SOX6: variants seen among roughly 807,000 people sequenced by gnomAD.
The protein encoded by SOX6 is SRY-box transcription factor 6.
Under a neutral mutation model 97.8 loss-of-function variants are expected in SOX6, and 11 were observed. The observed-to-expected ratio is 0.11, with a 90% CI of 0.07 to 0.19. The LOEUF is 0.19. Ranked by LOEUF, SOX6 falls within the 10% of genes least tolerant of loss-of-function variation. The pLI is 1.00. For synonymous variants in SOX6, 360 were observed against 371.4 expected (o/e 0.97, Z 0.35); for missense variants, 810 against 1,039.5 (o/e 0.78, Z 3.04).
chr11:16,491,368 G>A (rs1038839393), intron 4 of SOX6, among the ~76,000 whole-genome samples: 6 of 152,060 alleles, frequency 3.9e-5, no homozygotes, highest in Non-Finnish European at 7.4e-5. Flanking sequence ...ACATTTTTGA[G>A]AATAAGTTAA....
intron 15 of SOX6, among the ~76,000 whole-genome samples, chr11:15,983,519 A>G (rs975311036): frequency 6.6e-6 from 1 of 152,166 alleles, no homozygotes; most frequent in African/African-American, 2.4e-5. Context: ...AAACGTCAAT[A>G]GAAATATTTG....
chr11:16,706,464 AAAAAAAAATAT>A, intron 3 of SOX6, among the ~76,000 whole-genome samples: 1 of 21,210 alleles, frequency 4.7e-5, no homozygotes, highest in Non-Finnish European at 9.3e-5. Context: ...AAAAAAAAAA[AAAAAAAAATAT>A]ATATATATAT....
chr11:16,089,794 A>G (rs1310913654), intron 9 of SOX6, among the ~76,000 whole-genome samples: 1 of 152,118 alleles, frequency 6.6e-6, no homozygotes, highest in Non-Finnish European at 1.5e-5. Flanking sequence ...TGTTCTGCCT[A>G]TTCTGTTACC....
chr11:16,169,562 C>T (rs1168034174), intron 6 of SOX6, among the ~76,000 whole-genome samples: 1 of 96,158 alleles, frequency 1.0e-5, no homozygotes, highest in Non-Finnish European at 1.9e-5. Flanking sequence ...CTTACATATA[C>T]CCCTTTAACA....
At position 16,015,025 on chromosome 11, in the gene SOX6, C is replaced by T. The variant is rs766104849; in HGVS notation, c.1649G>A (p.Gly550Glu). 8 of 1,612,710 alleles carry T rather than the reference C, an allele frequency of 5.0e-6. No individual in the cohort carries two copies. Among genetic ancestry groups the T allele is most frequent in the Non-Finnish European group, 4.2e-6 (5 of 1,179,306 alleles). Residue 550 changes from glycine to glutamate, a missense_variant, in exon 13 of 16, where the codon GGG becomes GAG. Physicochemically the swap from Gly to Glu is moderately conservative, Grantham distance 98. Coordinates refer to ENST00000683767, the MANE Select transcript of SOX6 (RefSeq NM_001367873.1). ...ATTTGACTTTCCCGTTAACTGGGGC[C>T]CCAAATTCTCAAAGCGCGTTCTTTC... ...EKERTRFENL[G>E]PQLTGKSNED...
intron 12 of SOX6, among the ~76,000 whole-genome samples, chr11:16,035,969 A>G (rs75454046): frequency 6.6e-6 from 1 of 152,286 alleles, no homozygotes; most frequent in Non-Finnish European, 1.5e-5. Context: ...CAGTCTCAGT[A>G]ACACCCTGTG....
chr11:16,097,622 G>T lies in SOX6; in HGVS notation c.965C>A (p.Pro322His). The T allele has an allele frequency of 6.2e-7, 1 of 1,611,058 alleles. No homozygotes were observed. The highest frequency in any genetic ancestry group is 1.1e-5 in the South Asian group (1 of 91,038). ...TCTGGCACTTACCTGGAGCTGTAAA[G>T]GGCTGAGTCCAGAAGCAGCAGCAGC... The part of the protein sequence containing the change: ...MAAAAASGLS[P>H]LQLQKGHVSH... Residue 322 changes from proline (P) to histidine (H), a missense_variant, in exon 8 of 16, where the codon CCT (proline) becomes CAT (histidine). Coordinates refer to ENST00000683767, the MANE Select transcript of SOX6 (RefSeq NM_001367873.1).
intron 1 of SOX6, among the ~76,000 whole-genome samples, chr11:16,454,285 T>G (rs1590210086): frequency 6.6e-6 from 1 of 152,096 alleles, no homozygotes; most frequent in Non-Finnish European, 1.5e-5. Context: ...AGTTAGCAGT[T>G]AAAAGCAGTT....
intron 4 of SOX6, among the ~76,000 whole-genome samples, chr11:16,501,212 G>C (rs1860701331): frequency 6.6e-6 from 1 of 152,124 alleles, no homozygotes; most frequent in South Asian, 2.1e-4. Context: ...AATGGGGAAA[G>C]GATTCCCTAT....
chr11:16,334,770 T>C (rs1856408791), intron 2 of SOX6, among the ~76,000 whole-genome samples: 1 of 152,014 alleles, frequency 6.6e-6, no homozygotes, highest in Admixed American at 6.6e-5. Flanking sequence ...ATATGCTAGG[T>C]AAGAAAGAAA....
chr11:16,097,743 G>C, intron 7 of SOX6, 55 bp from the exon 8 acceptor site: 2 of 1,476,488 alleles, frequency 1.4e-6, no homozygotes, highest in Non-Finnish European at 1.9e-6. Context: ...AATTGCAGCA[G>C]ACAAGTACAA....
intron 9 of SOX6, among the ~76,000 whole-genome samples, chr11:16,089,508 A>T (rs1165103586): frequency 6.6e-6 from 1 of 152,166 alleles, no homozygotes; most frequent in East Asian, 1.9e-4. Flanking sequence ...GGGAAGATAC[A>T]GAAGAGAATC....
In SOX6 at chr11:15,972,977, G is replaced by A; in HGVS notation, c.2319C>T (p.Leu773=). The A allele has an allele frequency of 6.2e-7, 1 of 1,614,202 alleles. No homozygotes were observed. Among genetic ancestry groups the A allele is most frequent in the Non-Finnish European group, 8.5e-7 (1 of 1,180,020 alleles). The change falls in exon 16 of 16, where the codon CTC becomes CTT. Residue 773 remains leucine, a synonymous_variant. Transcript: ENST00000683767. ...SSTSASPEPS[L]PVIQSTYGMK... ...TACCATAAGTGCTCTGGATGACCGG[G>A]AGGCTGGGCTCCGGGCTGGCCGAGG...
chr11:16,164,832 AAAAG>A (rs546133661), intron 6 of SOX6, among the ~76,000 whole-genome samples: 3,571 of 151,326 alleles, frequency 0.024, 121 homozygotes, highest in African/African-American at 0.082. Context: ...AAAAAAAAAA[AAAAG>A]AAAGAAAGAA....
intron 4 of SOX6, among the ~76,000 whole-genome samples, chr11:16,489,346 T>C (rs752073970): frequency 2.0e-5 from 3 of 152,144 alleles, no homozygotes; most frequent in Non-Finnish European, 4.4e-5. Context: ...TAATTAATAA[T>C]GTGAGTTCTA....
intron 4 of SOX6, among the ~76,000 whole-genome samples, chr11:16,192,023 G>A (rs967658037): frequency 2.6e-5 from 4 of 151,914 alleles, no homozygotes; most frequent in East Asian, 1.9e-4. Context: ...TTATCTCTCC[G>A]ATGAGAAAGG....
At chr11:16,271,459 T>C (rs1248089115) in intron 3 of SOX6, among the ~76,000 whole-genome samples, 3 of 151,478 alleles carry the variant, frequency 2.0e-5, no homozygotes, top group Non-Finnish European at 4.4e-5. Flanking sequence ...TGTTTGAAGA[T>C]ATGATAGCAT....
At chr11:16,343,859 T>C (rs1201222412) in intron 1 of SOX6, among the ~76,000 whole-genome samples, 1 of 151,904 alleles carries the variant, frequency 6.6e-6, no homozygotes, top group African/African-American at 2.4e-5. Context: ...TCTTTTATTT[T>C]GCATCTACAA....
At chr11:16,373,896 G>A (rs1369695684) in intron 1 of SOX6, among the ~76,000 whole-genome samples, 8 of 128,728 alleles carry the variant, frequency 6.2e-5, no homozygotes, top group Admixed American at 3.9e-4. Flanking sequence ...AGGGAGGGAG[G>A]GAGGAAGGGA....
Sources: gnomAD v4.1 joint callset for allele counts (sites outside exome capture counted in the v4.1 genomes callset) on GRCh38, gnomAD v4.1.1 for gene constraint, MANE v1.5 for transcripts, NCBI Gene and HGNC (gene_info 2026-07-23, HGNC 2026-07-21) for gene names.